The following LINGO2 variants were observed in gnomAD, a reference collection of about 807,000 sequenced individuals.
LINGO2 encodes the protein leucine-rich repeat and immunoglobulin-like domain-containing nogo receptor-interacting protein 2.
A neutral mutation model predicts 30.6 loss-of-function variants in LINGO2; 14 were observed. The observed-to-expected ratio is 0.46, with a 90% CI of 0.30 to 0.72. The LOEUF (loss-of-function observed/expected upper bound fraction) is 0.72. Among genes scored for constraint, LINGO2 ranks in the 30% least tolerant of loss-of-function variants. The probability of loss-of-function intolerance (pLI) is 0.07; values close to 1 mark genes in which losing one functional copy is unlikely to be tolerated. For missense variants in LINGO2, 729 were observed against 751.7 expected, an observed-to-expected ratio of 0.97 and a Z score of 0.35; for synonymous variants, 317 against 288.5, an observed-to-expected ratio of 1.10 and a Z score of -1.00.
At chr9:28,879,261 A>G in the LINGO2 span, among the ~76,000 whole-genome samples, 2 of 152,096 alleles carry the variant, frequency 1.3e-5, no homozygotes, top group Non-Finnish European at 2.9e-5. Flanking sequence ...TTATTTTTTA[A>G]TAGGAGAGTG....
intron 3 of LINGO2, among the ~76,000 whole-genome samples, chr9:28,325,118 G>A (rs1488529099): frequency 6.7e-6 from 1 of 149,548 alleles, no homozygotes; most frequent in African/African-American, 2.5e-5. Context: ...CTCTGTCACT[G>A]ACTAAGATGG....
At chr9:29,006,077 CTTTTA>C in the LINGO2 span, among the ~76,000 whole-genome samples, 1 of 150,880 alleles carries the variant, frequency 6.6e-6, no homozygotes, top group Non-Finnish European at 1.5e-5. Flanking sequence ...TTAAAAGGGA[CTTTTA>C]TTTTAATATA....
chr9:27,950,504 G>A, exon 6 of LINGO2: 1 of 1,593,448 alleles, frequency 6.3e-7, no homozygotes, highest in Non-Finnish European at 8.6e-7. Context: ...TGGTTTCGAT[G>A]GGAATGCCCT....
At chr9:28,270,011 G>T (rs1215525582) in intron 4 of LINGO2, among the ~76,000 whole-genome samples, 1 of 152,124 alleles carries the variant, frequency 6.6e-6, no homozygotes, top group Admixed American at 6.5e-5. Context: ...AATCCAGGCA[G>T]GAAAGCAGGG....
At chr9:28,537,305 C>G (rs1367293659) in intron 1 of LINGO2, among the ~76,000 whole-genome samples, 2 of 152,108 alleles carry the variant, frequency 1.3e-5, no homozygotes, top group Non-Finnish European at 2.9e-5. Context: ...TCAGCCCTAG[C>G]AAACTAACAC....
At chr9:28,725,090 A>T in the LINGO2 span, among the ~76,000 whole-genome samples, 3 of 152,112 alleles carry the variant, frequency 2.0e-5, no homozygotes, top group African/African-American at 7.2e-5. Flanking sequence ...CGTATTTTTT[A>T]ATGATGATCT....
intron 4 of LINGO2, among the ~76,000 whole-genome samples, chr9:28,239,095 A>C (rs1821684337): frequency 6.6e-6 from 1 of 152,112 alleles, no homozygotes; most frequent in Non-Finnish European, 1.5e-5. Flanking sequence ...ATAATGAAGA[A>C]ATGTATAACC....
the LINGO2 span, among the ~76,000 whole-genome samples, chr9:28,931,665 G>T: frequency 2.6e-5 from 4 of 152,110 alleles, no homozygotes; most frequent in East Asian, 7.7e-4. Context: ...ACAACTTTTT[G>T]ACTCTAAGAG....
the LINGO2 span, among the ~76,000 whole-genome samples, chr9:29,128,821 G>T: frequency 2.6e-5 from 4 of 152,100 alleles, no homozygotes; most frequent in East Asian, 7.7e-4. Context: ...TTATTTGCAT[G>T]TACACTTATT....
intron 5 of LINGO2, among the ~76,000 whole-genome samples, chr9:27,956,022 C>A (rs1053457130): frequency 6.8e-6 from 1 of 146,358 alleles, no homozygotes; most frequent in African/African-American, 2.5e-5. Flanking sequence ...TCACTGCAAC[C>A]TCCGCCTCCT....
chr9:28,607,145 C>T (rs1825728632), intron 1 of LINGO2, among the ~76,000 whole-genome samples: 1 of 151,924 alleles, frequency 6.6e-6, no homozygotes, highest in Non-Finnish European at 1.5e-5. Flanking sequence ...ACACAATGAT[C>T]CATTGGTGAC....
rs373571969 is a variant in LINGO2, at chr9:28,200,281, G to T, written c.-87+94927C>A. ...AAGCAAAAGATAGTGTTGGTGTCTA[G>T]GTCTGATTTAGACTTAATGACTTTT... On this transcript the variant is annotated intron_variant, in intron 4 of 5. Coordinates refer to ENST00000379992, the Ensembl canonical transcript of LINGO2. Among the ~76,000 whole-genome samples the T allele has an allele frequency of 1.8e-4, 27 of 152,152 alleles. No homozygotes were observed. In the East Asian group the frequency reaches 2.3e-3, roughly 13 times the overall value.
At chr9:28,345,782 A>G (rs1297107164) in intron 3 of LINGO2, among the ~76,000 whole-genome samples, 1 of 152,190 alleles carries the variant, frequency 6.6e-6, no homozygotes, top group East Asian at 1.9e-4. Flanking sequence ...TAAAATGTTA[A>G]TGCTTCTATG....
chr9:28,553,744 G>C (rs894868938), intron 1 of LINGO2, among the ~76,000 whole-genome samples: 1 of 151,912 alleles, frequency 6.6e-6, no homozygotes, highest in Admixed American at 6.6e-5. Context: ...AGGGCAGCCA[G>C]AGAGAAAGGT....
chr9:28,010,777 A>G (rs1001802163), intron 5 of LINGO2, among the ~76,000 whole-genome samples: 1 of 152,096 alleles, frequency 6.6e-6, no homozygotes, highest in Admixed American at 6.6e-5. Flanking sequence ...ATATTGTGAG[A>G]CCCTGCCACT....
chr9:28,771,022 T>C, the LINGO2 span, among the ~76,000 whole-genome samples: 4 of 152,220 alleles, frequency 2.6e-5, no homozygotes, highest in Non-Finnish European at 4.4e-5. Flanking sequence ...CTCAAGGCCA[T>C]TTGTTATCAA....
chr9:27,985,940 C>T (rs7041158), intron 5 of LINGO2, among the ~76,000 whole-genome samples: 56,726 of 151,632 alleles, frequency 0.37, 10,614 homozygotes, highest in African/African-American at 0.4. Context: ...TCAATTTCCT[C>T]TCCAACCCAA....
At chr9:28,744,059 T>C in the LINGO2 span, among the ~76,000 whole-genome samples, 4 of 151,086 alleles carry the variant, frequency 2.6e-5, no homozygotes, top group Non-Finnish European at 5.9e-5. Flanking sequence ...CAATGGTTCT[T>C]TCTTCTGCTA....
the LINGO2 span, among the ~76,000 whole-genome samples, chr9:28,703,504 A>G: frequency 1.3e-5 from 2 of 151,604 alleles, no homozygotes. Flanking sequence ...GATGTGTTTT[A>G]TGGCCAAGAA....
Sources: allele counts gnomAD v4.1 joint callset (sites outside exome capture counted in the v4.1 genomes callset), GRCh38; gene constraint gnomAD v4.1.1; transcripts MANE v1.5; gene names NCBI Gene and HGNC (gene_info 2026-07-23, HGNC 2026-07-21).